Variants in VEGFC observed in about 807,000 individuals in gnomAD.
The protein encoded by VEGFC is FLT4 ligand DHM.
A neutral mutation model predicts 46.1 loss-of-function variants in VEGFC; 12 were observed. That is an observed-to-expected ratio of 0.26 (90% CI 0.17 to 0.42). VEGFC has a LOEUF of 0.42. VEGFC is among the 10% of genes least tolerant of loss of function. The pLI, the probability that VEGFC is intolerant of heterozygous loss-of-function variation, is 1.00. For synonymous variants in VEGFC, 232 were observed against 195.5 expected, an observed-to-expected ratio of 1.19 and a Z score of -1.56; for missense variants, 488 against 529.4, an observed-to-expected ratio of 0.92 and a Z score of 0.77.
intron 1 of VEGFC, among the ~76,000 whole-genome samples, chr4:176,791,521 G>A (rs1400893231): frequency 1.6e-5 from 1 of 63,078 alleles, no homozygotes; most frequent in African/African-American, 2.6e-5. Context: ...AGTATCTCAT[G>A]ACCAGATTTT....
intron 4 of VEGFC, among the ~76,000 whole-genome samples, chr4:176,705,388 G>A (rs140017379): frequency 4.3e-4 from 66 of 152,230 alleles, no homozygotes; most frequent in African/African-American, 1.5e-3. Flanking sequence ...ATGAAAATTG[G>A]TATCTAACTC....
chr4:176,790,681 T>A (rs145445607), intron 1 of VEGFC, among the ~76,000 whole-genome samples: 33 of 152,326 alleles, frequency 2.2e-4, no homozygotes, highest in African/African-American at 7.9e-4. Flanking sequence ...TAAGTGACCG[T>A]AACCAATACA....
At chr4:176,689,084 C>T (rs1279982400) in intron 4 of VEGFC, among the ~76,000 whole-genome samples, 1 of 152,168 alleles carries the variant, frequency 6.6e-6, no homozygotes, top group Non-Finnish European at 1.5e-5. Flanking sequence ...CTCACTACCT[C>T]ATTTTTTCAT....
At chr4:176,720,842 T>A (rs1734773702) in intron 3 of VEGFC, among the ~76,000 whole-genome samples, 19 of 78,208 alleles carry the variant, frequency 2.4e-4, no homozygotes, top group African/African-American at 8.4e-4. Context: ...AGACTCCATC[T>A]AAAAAAAAAA....
At chr4:176,749,394 T>C (rs181235489) in intron 1 of VEGFC, among the ~76,000 whole-genome samples, 1,701 of 152,042 alleles carry the variant, frequency 0.011, 25 homozygotes, top group Middle Eastern at 0.099. Flanking sequence ...TATGCTCCTT[T>C]CATTCCAAGT....
intron 4 of VEGFC, among the ~76,000 whole-genome samples, chr4:176,690,481 A>G (rs1734136663): frequency 6.6e-6 from 1 of 152,104 alleles, no homozygotes; most frequent in Non-Finnish European, 1.5e-5. Context: ...TTCTTGGAGA[A>G]CATTGTACCT....
chr4:176,694,494 C>T (rs1478321038), intron 4 of VEGFC, among the ~76,000 whole-genome samples: 10 of 150,768 alleles, frequency 6.6e-5, no homozygotes, highest in Non-Finnish European at 1.0e-4. Context: ...TCCTGAGTGA[C>T]CTACAAAGAG....
chr4:176,688,181 T>G (rs775796545), intron 4 of VEGFC, among the ~76,000 whole-genome samples: 1 of 152,172 alleles, frequency 6.6e-6, no homozygotes, highest in Non-Finnish European at 1.5e-5. Context: ...GGCAAACACA[T>G]TGGTTTGTAT....
At chr4:176,745,303 A>C (rs1735242383) in intron 1 of VEGFC, among the ~76,000 whole-genome samples, 1 of 152,132 alleles carries the variant, frequency 6.6e-6, no homozygotes, top group African/African-American at 2.4e-5. Context: ...TTTGTTAAAA[A>C]AATTTTCAAC....
intron 1 of VEGFC, among the ~76,000 whole-genome samples, chr4:176,742,027 G>T (rs1237678566): frequency 6.6e-6 from 1 of 151,934 alleles, no homozygotes; most frequent in Admixed American, 6.6e-5. Context: ...GTGCAGGTGG[G>T]TTACAAAGGT....
intron 1 of VEGFC, among the ~76,000 whole-genome samples, chr4:176,769,169 C>T (rs925849179): frequency 6.6e-6 from 1 of 152,056 alleles, no homozygotes; most frequent in African/African-American, 2.4e-5. Context: ...CAGCAGATGC[C>T]CAATCTGCTG....
At chr4:176,720,842 T>TAAA (rs33929788) in intron 3 of VEGFC, among the ~76,000 whole-genome samples, 1 of 78,212 alleles carries the variant, frequency 1.3e-5, no homozygotes, top group Non-Finnish European at 2.5e-5. Flanking sequence ...AGACTCCATC[T>TAAA]AAAAAAAAAA....
At chr4:176,740,454 T>C (rs1244220773) in intron 1 of VEGFC, among the ~76,000 whole-genome samples, 3 of 114,836 alleles carry the variant, frequency 2.6e-5, no homozygotes, top group African/African-American at 4.5e-5. Flanking sequence ...ATAGAGTATA[T>C]AGAGTATATA....
At chr4:176,790,126 T>C (rs1736066487) in intron 1 of VEGFC, among the ~76,000 whole-genome samples, 2 of 152,302 alleles carry the variant, frequency 1.3e-5, no homozygotes, top group East Asian at 3.9e-4. Context: ...ACATGTTTCA[T>C]AGCAAGGACA....
chr4:176,735,992 T>C (rs1159003206), intron 1 of VEGFC, among the ~76,000 whole-genome samples: 1 of 151,894 alleles, frequency 6.6e-6, no homozygotes, highest in Admixed American at 6.6e-5. Context: ...TAGGTGCACC[T>C]GTTCATTCAA....
At chr4:176,720,055 GT>G (rs914477700) in intron 3 of VEGFC, among the ~76,000 whole-genome samples, 3 of 149,622 alleles carry the variant, frequency 2.0e-5, no homozygotes, top group Admixed American at 6.7e-5. Context: ...GTGAGACTCC[GT>G]TTCAAAAAAA....
chr4:176,748,568 T>C (rs1316128674), intron 1 of VEGFC, among the ~76,000 whole-genome samples: 1 of 151,990 alleles, frequency 6.6e-6, no homozygotes, highest in Non-Finnish European at 1.5e-5. Flanking sequence ...GGGAGGAAGA[T>C]TGCTTAATTT....
intron 1 of VEGFC, among the ~76,000 whole-genome samples, chr4:176,785,046 TG>T: frequency 6.6e-6 from 1 of 152,168 alleles, no homozygotes; most frequent in South Asian, 2.1e-4. Flanking sequence ...GCAGAAATAT[TG>T]GCAGTGAGTT....
chr4:176,751,918 C>T (rs1374076907), intron 1 of VEGFC, among the ~76,000 whole-genome samples: 1 of 151,410 alleles, frequency 6.6e-6, no homozygotes, highest in Non-Finnish European at 1.5e-5. Context: ...CCATGGGTCC[C>T]TGAGGCTTTT....
Sources: allele counts gnomAD v4.1 joint callset (sites outside exome capture counted in the v4.1 genomes callset), GRCh38; gene constraint gnomAD v4.1.1; transcripts MANE v1.5; gene names NCBI Gene and HGNC (gene_info 2026-07-23, HGNC 2026-07-21).